The following FER1L6 variants were observed in gnomAD, a reference collection of about 807,000 sequenced individuals.
The protein encoded by FER1L6 is fer-1 like family member 6.
FER1L6 carries 177 observed loss-of-function variants against 219.2 expected under a neutral mutation model. The ratio of observed to expected loss-of-function variants is 0.81; its 90% CI spans 0.71 to 0.91. The LOEUF is 0.91. Among genes scored for constraint, FER1L6 ranks in the 40% least tolerant of loss-of-function variants. FER1L6 has a pLI of 0.00. For missense variants in FER1L6, 2,153 were observed against 2,259.9 expected (o/e 0.95, Z 0.96); for synonymous variants, 768 against 824.3 (o/e 0.93, Z 1.17).
At chr8:123,918,896 G>T (rs1337140620) in intron 1 of FER1L6, among the ~76,000 whole-genome samples, 1 of 152,014 alleles carries the variant, frequency 6.6e-6, no homozygotes, top group East Asian at 1.9e-4. Flanking sequence ...TCAGGGTCAG[G>T]CGTGGGGTAT....
At chr8:123,995,599 T>A (rs1189441665) in intron 12 of FER1L6, among the ~76,000 whole-genome samples, 3 of 152,128 alleles carry the variant, frequency 2.0e-5, no homozygotes, top group Non-Finnish European at 4.4e-5. Flanking sequence ...AATTTTATCT[T>A]TTCAAAAAAC....
intron 26 of FER1L6, among the ~76,000 whole-genome samples, chr8:124,065,083 G>T (rs965614047): frequency 1.1e-4 from 17 of 152,142 alleles, no homozygotes; most frequent in Admixed American, 3.3e-4. Context: ...TGAATTAAAA[G>T]AGAAGGCCAT....
intron 1 of FER1L6, among the ~76,000 whole-genome samples, chr8:123,877,900 G>A (rs1817033303): frequency 6.6e-6 from 1 of 151,962 alleles, no homozygotes; most frequent in African/African-American, 2.4e-5. Context: ...GTTCTTTACT[G>A]AAGTCGATTT....
chr8:124,013,816 C>T (rs1205926215), intron 15 of FER1L6: 2 of 199,384 alleles, frequency 1.0e-5, no homozygotes, highest in Non-Finnish European at 1.0e-5. Context: ...AGTGTACCAG[C>T]ATAGTGCTGT....
chr8:124,110,950 T>C lies in FER1L6; in HGVS notation c.5289+7641T>C, dbSNP rs755009155. Among the ~76,000 whole-genome samples the C allele has an allele frequency of 1.8e-4, 27 of 152,146 alleles. 1 individual carries two copies. The highest frequency in any genetic ancestry group is 1.0e-4 in the Non-Finnish European group (7 of 68,024). On this transcript the variant is annotated intron_variant, in intron 39 of 40. Coordinates refer to ENST00000522917, the MANE Select transcript of FER1L6 (RefSeq NM_001039112.2). ...AAATCTTTATGACAGGAGGTAGTTGTGCAACTTGGAGCAAAGTGCTCACCA... is the reference window on the plus strand; with the variant it reads ...AAATCTTTATGACAGGAGGTAGTTGCGCAACTTGGAGCAAAGTGCTCACCA...
At chr8:124,099,533 A>T (rs925344830) in intron 37 of FER1L6, among the ~76,000 whole-genome samples, 1 of 152,012 alleles carries the variant, frequency 6.6e-6, no homozygotes, top group Non-Finnish European at 1.5e-5. Context: ...ACATCCCACC[A>T]TTGTCTTTTC....
chr8:124,042,168 C>T (rs1219307762), intron 20 of FER1L6, among the ~76,000 whole-genome samples: 1 of 152,172 alleles, frequency 6.6e-6, no homozygotes, highest in East Asian at 1.9e-4. Flanking sequence ...GTGTAATTAT[C>T]CTTGTATTTT....
intron 33 of FER1L6, among the ~76,000 whole-genome samples, chr8:124,090,210 GTC>G (rs1305130665): frequency 1.4e-4 from 22 of 152,294 alleles, no homozygotes; most frequent in African/African-American, 5.1e-4. Flanking sequence ...ATTTCATACA[GTC>G]TCTCTTTCTG....
intron 20 of FER1L6, among the ~76,000 whole-genome samples, chr8:124,042,369 G>A (rs1390371216): frequency 4.6e-5 from 7 of 152,188 alleles, no homozygotes; most frequent in Non-Finnish European, 8.8e-5. Flanking sequence ...AGCTCCCCAC[G>A]TGCTGGGCAC....
intron 33 of FER1L6, among the ~76,000 whole-genome samples, chr8:124,086,045 C>T (rs1003202838): frequency 6.6e-6 from 1 of 151,954 alleles, no homozygotes; most frequent in Non-Finnish European, 1.5e-5. Context: ...TTTTTATATT[C>T]CATTTGCATG....
At position 124,023,809 on chromosome 8, in the gene FER1L6, C is replaced by A. The variant is rs1818576461; in HGVS notation, c.2286+213C>A. Among the ~76,000 whole-genome samples, 3 of 152,078 alleles carry A rather than the reference C, an allele frequency of 2.0e-5. No homozygotes were observed. In the South Asian group the frequency reaches 6.2e-4, roughly 32 times the overall value. Reference sequence around the variant, plus strand: ...TTCAGTTTTTTTAACTGTTACATCACCAGACACACATAAGTTTCTTTTTTT... The same window carrying A: ...TTCAGTTTTTTTAACTGTTACATCAACAGACACACATAAGTTTCTTTTTTT... On this transcript the variant is annotated intron_variant, in intron 18 of 40. Coordinates refer to ENST00000522917, the MANE Select transcript of FER1L6 (RefSeq NM_001039112.2).
intron 7 of FER1L6, among the ~76,000 whole-genome samples, chr8:123,974,741 G>C (rs1815987586): frequency 6.7e-6 from 1 of 149,180 alleles, no homozygotes; most frequent in Non-Finnish European, 1.5e-5. Flanking sequence ...CGGAAGTCTA[G>C]ATTATGTAAG....
At chr8:124,033,620 T>C (rs956433757) in intron 18 of FER1L6, among the ~76,000 whole-genome samples, 1 of 152,196 alleles carries the variant, frequency 6.6e-6, no homozygotes, top group Non-Finnish European at 1.5e-5. Context: ...GCTCTTATGC[T>C]TACTGGTTGT....
At chr8:123,905,314 A>C in intron 1 of FER1L6, among the ~76,000 whole-genome samples, 1 of 152,116 alleles carries the variant, frequency 6.6e-6, no homozygotes, top group East Asian at 1.9e-4. Flanking sequence ...TCCCAGTTTT[A>C]AGTGAGAACG....
chr8:123,960,021 A>G (rs568048602), intron 2 of FER1L6, among the ~76,000 whole-genome samples: 1 of 152,244 alleles, frequency 6.6e-6, no homozygotes, highest in African/African-American at 2.4e-5. Context: ...CTGGGAATAC[A>G]TAGACTTGAA....
chr8:124,046,106 T>C (rs552488357), intron 21 of FER1L6: 1 of 513,732 alleles, frequency 1.9e-6, no homozygotes, highest in Non-Finnish European at 3.4e-6. Context: ...AAAGAGTTTT[T>C]CACTGACTTC....
rs781011302 is a variant in FER1L6, at chr8:124,094,882, T to C, written c.4553-14T>C. On this transcript the variant is annotated splice_polypyrimidine_tract_variant and intron_variant, in intron 34 of 40. Coordinates refer to ENST00000522917, the MANE Select transcript of FER1L6 (RefSeq NM_001039112.2). ...GGAACACACATCTGACAAGTTTGTC[T>C]TTCTTTCCTGCAGATGAGACAGTGG... 6.2e-7 allele frequency: 1 copy of C among 1,613,926 alleles called. No homozygotes were observed. The highest frequency in any genetic ancestry group is 1.7e-5 in the Admixed American group (1 of 60,026).
At chr8:124,038,336 A>G (rs527363108) in intron 19 of FER1L6, among the ~76,000 whole-genome samples, 1 of 152,342 alleles carries the variant, frequency 6.6e-6, no homozygotes, top group Admixed American at 6.5e-5. Context: ...CTTTGCGTGC[A>G]CATATTCTTA....
At chr8:124,071,945 C>A (rs1821093753) in intron 31 of FER1L6, among the ~76,000 whole-genome samples, 1 of 152,122 alleles carries the variant, frequency 6.6e-6, no homozygotes, top group African/African-American at 2.4e-5. Context: ...AGAGCAGCAC[C>A]ACTATGACCT....
Sources: allele counts gnomAD v4.1 joint callset (sites outside exome capture counted in the v4.1 genomes callset), GRCh38; gene constraint gnomAD v4.1.1; transcripts MANE v1.5; gene names NCBI Gene and HGNC (gene_info 2026-07-23, HGNC 2026-07-21).